RIMS2: variants seen among roughly 807,000 people sequenced by gnomAD.
RIMS2 encodes the protein regulating synaptic membrane exocytosis protein 2.
In RIMS2, 59 loss-of-function variants were observed where a neutral mutation model predicts 174.4. The observed-to-expected ratio is 0.34, with a 90% CI of 0.27 to 0.42. The LOEUF (loss-of-function observed/expected upper bound fraction) is 0.42, where lower values mean the gene tolerates loss of function less well. RIMS2 is among the 10% of genes least tolerant of loss of function. The pLI, the probability that RIMS2 is intolerant of heterozygous loss-of-function variation, is 1.00. For missense variants in RIMS2, 1,620 were observed against 1,666.3 expected, an observed-to-expected ratio of 0.97 and a Z score of 0.48; for synonymous variants, 606 against 572.5, an observed-to-expected ratio of 1.06 and a Z score of -0.84.
chr8:103,768,349 A>T lies in RIMS2; in HGVS notation c.698+1812A>T, dbSNP rs937674311. 13 of 708,582 alleles carry T rather than the reference A, an allele frequency of 1.8e-5. No individual in the cohort carries two copies. The African/African-American group carries it at 2.3e-4, about 12-fold the overall frequency. 43.9% of individuals were successfully genotyped at this position (708,582 alleles called of 1,614,324 possible). ...TCATTGAAGTGGATGATAAACGCAA[A>T]CTCTGCACTTTTTATGAGAAGCATA... On this transcript the variant is annotated intron_variant, in intron 3 of 23. Transcript: ENST00000504942.
chr8:103,872,213 A>C lies in RIMS2; in HGVS notation c.699-13085A>C, dbSNP rs187664839. 7.8e-4 allele frequency among the ~76,000 whole-genome samples: 119 copies of C among 152,328 alleles called. 1 individual carries two copies. The highest frequency in any genetic ancestry group is 1.5e-3 in the Non-Finnish European group (105 of 68,030). ...TGATAGACTCTTGGCTCCAGCAGCCACTGATTAAGGAATTATGACTTGTGT... is the reference window on the plus strand; with the variant it reads ...TGATAGACTCTTGGCTCCAGCAGCCCCTGATTAAGGAATTATGACTTGTGT... On this transcript the variant is annotated intron_variant, in intron 3 of 23. Coordinates refer to ENST00000504942, the Ensembl canonical transcript of RIMS2.
intron 3 of RIMS2, among the ~76,000 whole-genome samples, chr8:103,803,223 GGAATAACT>G (rs1380692052): frequency 1.3e-5 from 2 of 151,904 alleles, no homozygotes; most frequent in African/African-American, 4.8e-5. Flanking sequence ...TAAATGATAT[GGAATAACT>G]GAATAACTTG....
chr8:103,593,268 G>T (rs1403488941), intron 1 of RIMS2, among the ~76,000 whole-genome samples: 3 of 151,398 alleles, frequency 2.0e-5, no homozygotes, highest in Admixed American at 6.6e-5. Context: ...TTTGGATATT[G>T]TATGATGTAA....
intron 19 of RIMS2, among the ~76,000 whole-genome samples, chr8:104,026,120 A>G (rs1199139355): frequency 1.3e-5 from 2 of 152,150 alleles, no homozygotes; most frequent in African/African-American, 4.8e-5. Context: ...TCATGATGCT[A>G]TTTTTAATCA....
intron 19 of RIMS2, among the ~76,000 whole-genome samples, chr8:104,240,523 A>G (rs1256778400): frequency 6.6e-6 from 1 of 152,238 alleles, no homozygotes; most frequent in African/African-American, 2.4e-5. Context: ...GACATGTATT[A>G]AAGGGCTACT....
chr8:103,706,252 T>C (rs2097223497), intron 2 of RIMS2, among the ~76,000 whole-genome samples: 1 of 152,268 alleles, frequency 6.6e-6, no homozygotes, highest in South Asian at 2.1e-4. Flanking sequence ...CATTTTATCT[T>C]TTAAATATGC....
At chr8:103,858,591 A>ATGTGTGTGTGTCTG (rs1200378010) in intron 3 of RIMS2, among the ~76,000 whole-genome samples, 6 of 151,498 alleles carry the variant, frequency 4.0e-5, no homozygotes, top group African/African-American at 1.5e-4. Flanking sequence ...GTACACATAT[A>ATGTGTGTGTGTCTG]TGTGTGTGTG....
chr8:103,544,953 G>A (rs576865698), intron 1 of RIMS2, among the ~76,000 whole-genome samples: 319 of 152,268 alleles, frequency 2.1e-3, no homozygotes, highest in Non-Finnish European at 3.6e-3. Flanking sequence ...GAAAAAACCA[G>A]TGCAAGAACT....
intron 19 of RIMS2, among the ~76,000 whole-genome samples, chr8:104,102,474 AT>A (rs1292321946): frequency 1.1e-4 from 17 of 152,218 alleles, no homozygotes; most frequent in African/African-American, 3.9e-4. Flanking sequence ...TTGAGATATT[AT>A]CTCTCATGGA....
At chr8:104,003,600 G>A (rs1192376747) in intron 17 of RIMS2, among the ~76,000 whole-genome samples, 1 of 152,068 alleles carries the variant, frequency 6.6e-6, no homozygotes, top group Non-Finnish European at 1.5e-5. Context: ...TTTTAGTAGA[G>A]ATGGTTTTTC....
intron 1 of RIMS2, among the ~76,000 whole-genome samples, chr8:103,674,722 T>C (rs991122416): frequency 1.3e-5 from 2 of 152,138 alleles, no homozygotes; most frequent in African/African-American, 4.8e-5. Flanking sequence ...CCCTGGTTTT[T>C]AGTGAAAACC....
intron 2 of RIMS2, among the ~76,000 whole-genome samples, chr8:103,732,266 C>G (rs1269565523): frequency 6.6e-6 from 1 of 152,212 alleles, no homozygotes; most frequent in African/African-American, 2.4e-5. Context: ...TAGGCAGAGA[C>G]TCTTGTCTTC....
intron 1 of RIMS2, among the ~76,000 whole-genome samples, chr8:103,629,724 C>T (rs2095866951): frequency 6.6e-6 from 1 of 151,690 alleles, no homozygotes; most frequent in South Asian, 2.1e-4. Context: ...CATTAAAAGG[C>T]TATCACTTTA....
rs922910993 is a variant in RIMS2 at position 104,164,597 on chromosome 8, T to C, written c.3335-80319T>C. 2.0e-5 allele frequency among the ~76,000 whole-genome samples: 3 copies of C among 152,208 alleles called. No homozygotes were observed. In the East Asian group the frequency reaches 5.8e-4, roughly 29 times the overall value. On this transcript the variant is annotated intron_variant, in intron 19 of 23. Coordinates refer to ENST00000504942, the Ensembl canonical transcript of RIMS2. ...CTGGATAAAGAAAATGTGGTACATA[T>C]ATACCATGGAATATTATGCAGCCAC... is the stretch of plus-strand genomic sequence containing the variant.
At chr8:104,251,225 A>AC in intron 23 of RIMS2, 62 bp downstream of exon 29, 1 of 1,336,526 alleles carries the variant, frequency 7.5e-7, no homozygotes, top group South Asian at 1.4e-5. Flanking sequence ...CAGACATTAT[A>AC]CCCCAAATCT....
At chr8:103,577,837 A>G (rs1385893297) in intron 1 of RIMS2, among the ~76,000 whole-genome samples, 1 of 152,214 alleles carries the variant, frequency 6.6e-6, no homozygotes, top group African/African-American at 2.4e-5. Context: ...GAGGCTCTCA[A>G]TAGCAAAATG....
chr8:104,094,760 T>G (rs1415038302), intron 19 of RIMS2: 2 of 636,422 alleles, frequency 3.1e-6, no homozygotes, highest in South Asian at 3.8e-5. Flanking sequence ...GCATTTCCCA[T>G]TAGTAATGTA....
At chr8:103,672,044 A>G (rs2096751129) in intron 1 of RIMS2, among the ~76,000 whole-genome samples, 1 of 152,180 alleles carries the variant, frequency 6.6e-6, no homozygotes, top group Non-Finnish European at 1.5e-5. Flanking sequence ...GGTTTAAAAC[A>G]ATTAAAACAG....
At chr8:104,104,602 T>C (rs1422803775) in intron 19 of RIMS2, among the ~76,000 whole-genome samples, 2 of 151,630 alleles carry the variant, frequency 1.3e-5, no homozygotes, top group Admixed American at 6.6e-5. Flanking sequence ...AGGTAAGAGG[T>C]TTTAGTTATA....
Sources: allele counts gnomAD v4.1 joint callset (sites outside exome capture counted in the v4.1 genomes callset), GRCh38; gene constraint gnomAD v4.1.1; transcripts MANE v1.5; gene names NCBI Gene and HGNC (gene_info 2026-07-23, HGNC 2026-07-21).